Variants in DAB1 observed in about 807,000 individuals in gnomAD.
DAB1 encodes the protein disabled homolog 1.
In DAB1, 15 loss-of-function variants were observed where a neutral mutation model predicts 64.6. The observed-to-expected ratio is 0.23, with a 90% confidence interval of 0.16 to 0.36. The LOEUF (loss-of-function observed/expected upper bound fraction) is 0.36, where lower values mean the gene tolerates loss of function less well. Ranked by LOEUF, DAB1 falls within the 10% of genes least tolerant of loss-of-function variation. The pLI, the probability that DAB1 is intolerant of heterozygous loss-of-function variation, is 1.00. For missense variants in DAB1, 596 were observed against 706.7 expected (o/e 0.84, Z 1.78); for synonymous variants, 235 against 251.9 (o/e 0.93, Z 0.64).
intron 14 of DAB1, among the ~76,000 whole-genome samples, chr1:57,001,129 T>C (rs182873043): frequency 2.6e-5 from 4 of 152,324 alleles, no homozygotes; most frequent in East Asian, 3.9e-4. Flanking sequence ...TTCCTTATTA[T>C]GGAATCTTAG....
chr1:58,067,195 C>T (rs1427789519), intron 5 of DAB1, among the ~76,000 whole-genome samples: 1 of 152,162 alleles, frequency 6.6e-6, no homozygotes, highest in Non-Finnish European at 1.5e-5. Flanking sequence ...CAAATTAAAT[C>T]AACAATGGTG....
chr1:58,473,295 C>A (rs1645381846), intron 3 of DAB1, among the ~76,000 whole-genome samples: 1 of 152,098 alleles, frequency 6.6e-6, no homozygotes. Context: ...GTAATCCCAG[C>A]ACTTTGGGAG....
intron 6 of DAB1, among the ~76,000 whole-genome samples, chr1:57,693,888 A>C (rs1646794013): frequency 6.6e-6 from 1 of 152,156 alleles, no homozygotes; most frequent in Non-Finnish European, 1.5e-5. Flanking sequence ...AGAAGGAATA[A>C]ATTCCAGACA....
chr1:57,950,932 GA>G, intron 5 of DAB1, among the ~76,000 whole-genome samples: 1 of 152,196 alleles, frequency 6.6e-6, no homozygotes, highest in East Asian at 1.9e-4. Flanking sequence ...ATCTAGTTTG[GA>G]AACAGGCACC....
intron 1 of DAB1, among the ~76,000 whole-genome samples, chr1:57,357,301 T>C (rs978432394): frequency 2.0e-5 from 3 of 152,048 alleles, no homozygotes; most frequent in Admixed American, 6.6e-5. Flanking sequence ...GCTCTGTCCC[T>C]TCCTGGTTAT....
chr1:57,442,117 A>T (rs1216054722), intron 7 of DAB1, among the ~76,000 whole-genome samples: 2 of 152,188 alleles, frequency 1.3e-5, no homozygotes, highest in East Asian at 3.8e-4. Context: ...GAATTTGGTT[A>T]AGTTCCTCAA....
intron 4 of DAB1, among the ~76,000 whole-genome samples, chr1:57,119,987 T>C (rs1452038815): frequency 1.3e-5 from 2 of 152,220 alleles, no homozygotes; most frequent in Non-Finnish European, 2.9e-5. Flanking sequence ...TCCCAACCTC[T>C]TTTTAGTCTC....
intron 5 of DAB1, among the ~76,000 whole-genome samples, chr1:58,019,969 T>C (rs994799502): frequency 6.6e-6 from 1 of 152,202 alleles, no homozygotes; most frequent in Non-Finnish European, 1.5e-5. Context: ...ATGTTCTCTT[T>C]ATTTCTTTAT....
At chr1:57,432,747 T>C (rs1180397320) in intron 7 of DAB1, among the ~76,000 whole-genome samples, 2 of 152,234 alleles carry the variant, frequency 1.3e-5, no homozygotes, top group Non-Finnish European at 2.9e-5. Flanking sequence ...GGATTTCTTT[T>C]TCACTTTCAA....
intron 1 of DAB1, among the ~76,000 whole-genome samples, chr1:57,834,492 A>C (rs1030838610): frequency 1.3e-5 from 2 of 152,190 alleles, no homozygotes; most frequent in African/African-American, 4.8e-5. Context: ...TAGGTTATGT[A>C]TACCAAAGCA....
chr1:58,186,216 C>T (rs891072941), intron 4 of DAB1, among the ~76,000 whole-genome samples: 2 of 152,102 alleles, frequency 1.3e-5, no homozygotes, highest in African/African-American at 4.8e-5. Flanking sequence ...CAGCAGAAAT[C>T]AAACAGCAAG....
chr1:57,201,206 C>T (rs1021570117), intron 2 of DAB1, among the ~76,000 whole-genome samples: 5 of 152,136 alleles, frequency 3.3e-5, no homozygotes, highest in Non-Finnish European at 5.9e-5. Context: ...CACCCCCTTT[C>T]TTCCTGGCAC....
chr1:58,263,826 A>G lies in DAB1; in HGVS notation n.309+79526T>C, dbSNP rs568638542. Among the ~76,000 whole-genome samples the G allele has an allele frequency of 2.4e-4, 36 of 152,346 alleles. 1 individual carries two copies. The South Asian group carries it at 7.3e-3, about 31-fold the overall frequency. Reference sequence around the variant, plus strand: ...GTACCTGATATATTGTAGAAGCTCTATTAGTGTTATTTTCTATCCCTTATC... The same window carrying G: ...GTACCTGATATATTGTAGAAGCTCTGTTAGTGTTATTTTCTATCCCTTATC... On this transcript the variant is annotated intron_variant and non_coding_transcript_variant, in intron 4 of 20. Transcript: ENST00000485760.
downstream of DAB1, among the ~76,000 whole-genome samples, chr1:57,821,359 C>T (rs573380546): frequency 1.3e-5 from 2 of 152,240 alleles, no homozygotes; most frequent in South Asian, 4.2e-4. Context: ...CACAGCTTCT[C>T]CAGCCCCTGT....
intron 5 of DAB1, among the ~76,000 whole-genome samples, chr1:57,910,803 G>T (rs1015987369): frequency 5.3e-5 from 8 of 152,166 alleles, no homozygotes; most frequent in African/African-American, 1.4e-4. Context: ...GTTTCCAGAG[G>T]TGTAGCAGGA....
chr1:57,789,897 G>A (rs1037196730), intron 6 of DAB1, among the ~76,000 whole-genome samples: 1 of 152,194 alleles, frequency 6.6e-6, no homozygotes, highest in African/African-American at 2.4e-5. Context: ...AAGTTTTGCT[G>A]TGACCTGCCA....
chr1:58,274,532 A>C (rs980259530), intron 4 of DAB1, among the ~76,000 whole-genome samples: 20 of 139,020 alleles, frequency 1.4e-4, no homozygotes, highest in Admixed American at 1.2e-3. Context: ...GGTGGGCTCC[A>C]CCCAGTTCGA....
At chr1:58,112,988 T>G (rs2100654074) in intron 5 of DAB1, among the ~76,000 whole-genome samples, 1 of 152,290 alleles carries the variant, frequency 6.6e-6, no homozygotes, top group East Asian at 1.9e-4. Flanking sequence ...GAATTCTTGT[T>G]AAGTGGCACT....
At chr1:58,134,628 C>T (rs141653188) in intron 5 of DAB1, among the ~76,000 whole-genome samples, 34 of 152,296 alleles carry the variant, frequency 2.2e-4, no homozygotes, top group African/African-American at 7.9e-4. Flanking sequence ...GAGAAGCAGG[C>T]ACATTTCACA....
Sources: allele counts gnomAD v4.1 joint callset (sites outside exome capture counted in the v4.1 genomes callset), GRCh38; gene constraint gnomAD v4.1.1; transcripts MANE v1.5; gene names NCBI Gene and HGNC (gene_info 2026-07-23, HGNC 2026-07-21).